CNTNAP2: variants seen among roughly 807,000 people sequenced by gnomAD.
The protein encoded by CNTNAP2 is contactin associated protein 2.
CNTNAP2 carries 98 observed loss-of-function variants against 155.2 expected under a neutral mutation model. The ratio of observed to expected loss-of-function variants is 0.63; its 90% CI spans 0.54 to 0.75. The LOEUF (loss-of-function observed/expected upper bound fraction) is 0.75. Among genes scored for constraint, CNTNAP2 ranks in the 30% least tolerant of loss-of-function variants. The probability of loss-of-function intolerance (pLI) is 0.00; values close to 1 mark genes in which losing one functional copy is unlikely to be tolerated. For missense variants in CNTNAP2, 1,727 were observed against 1,688.1 expected, an observed-to-expected ratio of 1.02 and a Z score of -0.40; for synonymous variants, 651 against 631.2, an observed-to-expected ratio of 1.03 and a Z score of -0.47.
intron 1 of CNTNAP2, among the ~76,000 whole-genome samples, chr7:146,423,305 T>C (rs1255445882): frequency 1.3e-5 from 2 of 152,186 alleles, no homozygotes; most frequent in African/African-American, 4.8e-5. Context: ...TAGATTTTTT[T>C]GTTTCCTTAG....
chr7:147,278,079 G>A (rs1285630396), intron 8 of CNTNAP2, among the ~76,000 whole-genome samples: 1 of 148,070 alleles, frequency 6.8e-6, no homozygotes, highest in Non-Finnish European at 1.5e-5. Flanking sequence ...GCTGCTAATG[G>A]ATATTCATTT....
chr7:146,347,802 T>C (rs902216056), intron 1 of CNTNAP2, among the ~76,000 whole-genome samples: 5 of 152,122 alleles, frequency 3.3e-5, no homozygotes, highest in Non-Finnish European at 7.4e-5. Context: ...CTGATCTCAA[T>C]TGATCCACTC....
At chr7:147,713,226 A>G (rs186501024) in intron 13 of CNTNAP2, among the ~76,000 whole-genome samples, 8 of 152,210 alleles carry the variant, frequency 5.3e-5, no homozygotes, top group Admixed American at 3.3e-4. Flanking sequence ...GTACATTTCT[A>G]TGAGTTCTAA....
At chr7:146,385,444 A>G (rs1413668543) in intron 1 of CNTNAP2, among the ~76,000 whole-genome samples, 1 of 152,228 alleles carries the variant, frequency 6.6e-6, no homozygotes, top group Non-Finnish European at 1.5e-5. Context: ...CAATCAAGTG[A>G]CATATATGAA....
At chr7:148,254,385 A>C (rs1177302622) in intron 20 of CNTNAP2, among the ~76,000 whole-genome samples, 2 of 152,222 alleles carry the variant, frequency 1.3e-5, no homozygotes, top group Admixed American at 6.5e-5. Context: ...TACAGAAGGG[A>C]ATAAAGACGA....
intron 1 of CNTNAP2, among the ~76,000 whole-genome samples, chr7:146,516,512 G>A (rs536983791): frequency 9.9e-5 from 15 of 151,884 alleles, no homozygotes; most frequent in Admixed American, 3.3e-4. Context: ...GGCATTTTGC[G>A]GCAGTATTGA....
intron 10 of CNTNAP2, among the ~76,000 whole-genome samples, chr7:147,402,869 C>G (rs763484461): frequency 6.8e-4 from 103 of 150,748 alleles, no homozygotes; most frequent in African/African-American, 2.3e-3. Flanking sequence ...TAAGTCTCTG[C>G]TGTATAAACC....
At chr7:146,181,425 T>C (rs1408858094) in intron 1 of CNTNAP2, among the ~76,000 whole-genome samples, 1 of 152,176 alleles carries the variant, frequency 6.6e-6, no homozygotes, top group Non-Finnish European at 1.5e-5. Flanking sequence ...TTTATTATTA[T>C]TTCTAATAAG....
At chr7:146,871,537 AT>A (rs1464059831) in intron 3 of CNTNAP2, among the ~76,000 whole-genome samples, 8 of 151,862 alleles carry the variant, frequency 5.3e-5, no homozygotes, top group Non-Finnish European at 1.0e-4. Context: ...CTAAAAAAAA[AT>A]AAATAAATAA....
intron 1 of CNTNAP2, among the ~76,000 whole-genome samples, chr7:146,735,734 C>CATAGGCATATATATG (rs1400866950): frequency 7.4e-6 from 1 of 135,238 alleles, no homozygotes; most frequent in African/African-American, 3.9e-5. Flanking sequence ...GAGAATAGAA[C>CATAGGCATATATATG]TGTAGTTACT....
At chr7:146,861,607 T>C (rs374168749) in intron 3 of CNTNAP2, among the ~76,000 whole-genome samples, 1 of 152,078 alleles carries the variant, frequency 6.6e-6, no homozygotes, top group African/African-American at 2.4e-5. Context: ...TAGCAGGGGG[T>C]AACCATAAAA....
At chr7:146,421,894 GA>G (rs529346668) in intron 1 of CNTNAP2, among the ~76,000 whole-genome samples, 107 of 115,946 alleles carry the variant, frequency 9.2e-4, no homozygotes, top group Middle Eastern at 4.3e-3. Flanking sequence ...AATATAGACA[GA>G]TTTTTTTTAC....
intron 2 of CNTNAP2, among the ~76,000 whole-genome samples, chr7:146,787,865 A>T (rs894454689): frequency 6.6e-6 from 1 of 152,206 alleles, no homozygotes; most frequent in African/African-American, 2.4e-5. Context: ...TAGAGCACTG[A>T]TTGGTGCATT....
chr7:146,522,112 A>G (rs1207830550), intron 1 of CNTNAP2, among the ~76,000 whole-genome samples: 1 of 152,024 alleles, frequency 6.6e-6, no homozygotes, highest in Admixed American at 6.6e-5. Flanking sequence ...ACCATACTTT[A>G]AAGATCGTCA....
intron 17 of CNTNAP2, among the ~76,000 whole-genome samples, chr7:148,160,251 A>G (rs1206396084): frequency 1.3e-5 from 2 of 151,868 alleles, no homozygotes; most frequent in Non-Finnish European, 2.9e-5. Flanking sequence ...AAAGAAAGAG[A>G]AAATGACTAC....
intron 1 of CNTNAP2, among the ~76,000 whole-genome samples, chr7:146,143,591 T>C (rs903965231): frequency 2.0e-5 from 3 of 152,088 alleles, no homozygotes; most frequent in African/African-American, 7.2e-5. Flanking sequence ...AGCTTTTCCC[T>C]CCTGTGGTAT....
At chr7:147,660,310 A>C (rs1024307617) in intron 13 of CNTNAP2, among the ~76,000 whole-genome samples, 1 of 152,134 alleles carries the variant, frequency 6.6e-6, no homozygotes, top group African/African-American at 2.4e-5. Flanking sequence ...TTCCTCCTAC[A>C]GTTTTCTGAG....
At chr7:147,229,228 C>G (rs964110803) in intron 8 of CNTNAP2, among the ~76,000 whole-genome samples, 2 of 152,196 alleles carry the variant, frequency 1.3e-5, no homozygotes, top group Non-Finnish European at 2.9e-5. Flanking sequence ...TTCATTTGAA[C>G]TGGGATCCAT....
intron 14 of CNTNAP2, among the ~76,000 whole-genome samples, chr7:147,956,327 A>T (rs1182852729): frequency 6.6e-6 from 1 of 151,176 alleles, no homozygotes; most frequent in African/African-American, 2.4e-5. Flanking sequence ...TATCAGTGAG[A>T]TAAGCACATC....
Sources: allele counts gnomAD v4.1 joint callset (sites outside exome capture counted in the v4.1 genomes callset), GRCh38; gene constraint gnomAD v4.1.1; transcripts MANE v1.5; gene names NCBI Gene and HGNC (gene_info 2026-07-23, HGNC 2026-07-21).